The following CACNA1H variants were observed in gnomAD, a reference collection of about 807,000 sequenced individuals.
CACNA1H encodes voltage-dependent T-type calcium channel subunit alpha-1H.
Under a neutral mutation model 192.5 loss-of-function variants are expected in CACNA1H, and 149 were observed. That is an observed-to-expected ratio of 0.77 (90% CI 0.68 to 0.89). The LOEUF (loss-of-function observed/expected upper bound fraction) is 0.89, where lower values mean the gene tolerates loss of function less well. Among genes scored for constraint, CACNA1H ranks in the 40% least tolerant of loss-of-function variants. The probability of loss-of-function intolerance (pLI) is 0.00; values close to 1 mark genes in which losing one functional copy is unlikely to be tolerated. For missense variants in CACNA1H, 4,257 were observed against 3,423.5 expected (o/e 1.24, Z -6.08); for synonymous variants, 2,202 against 1,475.2 (o/e 1.49, Z -11.29).
intron 4 of CACNA1H, 56 bp from the exon 5 acceptor site, chr16:1,195,870 C>T: frequency 7.3e-7 from 1 of 1,374,530 alleles, no homozygotes; most frequent in Non-Finnish European, 1.0e-6. Context: ...ACCCCAGCCC[C>T]ACCCTGGACC....
intron 2 of CACNA1H, among the ~76,000 whole-genome samples, chr16:1,170,503 A>T (rs969326586): frequency 6.6e-6 from 1 of 152,140 alleles, no homozygotes; most frequent in Admixed American, 6.5e-5. Context: ...ACAGTGAAAG[A>T]CGTACCCCGA....
intron 2 of CACNA1H, among the ~76,000 whole-genome samples, chr16:1,164,246 G>C (rs1963521228): frequency 6.6e-6 from 1 of 152,204 alleles, no homozygotes; most frequent in Admixed American, 6.5e-5. Context: ...TGAGACGGGC[G>C]GCAGTGTCGT....
intron 2 of CACNA1H, among the ~76,000 whole-genome samples, chr16:1,183,305 G>C (rs2151765459): frequency 6.6e-6 from 1 of 152,272 alleles, no homozygotes; most frequent in Middle Eastern, 3.4e-3. Flanking sequence ...GGGGTTCTTA[G>C]GACCTCACCC....
intron 30 of CACNA1H, among the ~76,000 whole-genome samples, chr16:1,215,829 C>G (rs1453735509): frequency 6.6e-6 from 1 of 152,118 alleles, no homozygotes; most frequent in Admixed American, 6.5e-5. Flanking sequence ...GGCCCCCTCC[C>G]CGGTGCACTT....
intron 2 of CACNA1H, among the ~76,000 whole-genome samples, chr16:1,169,870 G>A (rs974190907): frequency 2.0e-5 from 3 of 152,280 alleles, no homozygotes; most frequent in Admixed American, 1.3e-4. Flanking sequence ...GGGCGTGTGC[G>A]ACCGCCCAGC....
intron 12 of CACNA1H, chr16:1,206,733 C>T (rs1038922024): frequency 2.5e-5 from 12 of 486,020 alleles, no homozygotes; most frequent in South Asian, 1.4e-4. Flanking sequence ...CCAGTTGCCA[C>T]CCAAATCCAG....
chr16:1,154,820 G>A (rs1036085411), intron 2 of CACNA1H, among the ~76,000 whole-genome samples: 1 of 152,186 alleles, frequency 6.6e-6, no homozygotes, highest in Non-Finnish European at 1.5e-5. Flanking sequence ...GGCATTTGTG[G>A]GATGTACACG....
Position 1,220,147 on chromosome 16 carries a change from A to G in CACNA1H, c.6215A>G (p.His2072Arg). The change falls in exon 35 of 35, where the codon CAT (histidine) becomes CGT (arginine). Residue 2072 changes from histidine to arginine, a missense_variant. His to Arg is a conservative substitution (Grantham distance 29). Coordinates refer to ENST00000348261, the MANE Select transcript of CACNA1H (RefSeq NM_021098.3). ...CCCGCCAGCGTCCGCACTCGTAAGC[A>G]TACCTTCGGACAGCGCTGCGTCTCC... ...PRPASVRTRK[H>R]TFGQRCVSSR... is the part of the protein sequence containing the mutation. 1.3e-6 allele frequency: 2 copies of G among 1,509,990 alleles called. No individual in the cohort carries two copies. Among genetic ancestry groups the G allele is most frequent in the Non-Finnish European group, 1.8e-6 (2 of 1,130,600 alleles). 93.5% of individuals were successfully genotyped at this position (1,509,990 alleles called of 1,614,324 possible).
intron 2 of CACNA1H, among the ~76,000 whole-genome samples, chr16:1,183,404 T>G (rs1026541606): frequency 6.6e-6 from 1 of 152,196 alleles, no homozygotes; most frequent in African/African-American, 2.4e-5. Flanking sequence ...GAATCCCTCC[T>G]GGCCCCTCCC....
chr16:1,153,703 C>G lies in CACNA1H; in HGVS notation c.-18-17C>G. On this transcript the variant is annotated splice_polypyrimidine_tract_variant and intron_variant, in intron 1 of 34. Coordinates refer to ENST00000348261, the MANE Select transcript of CACNA1H (RefSeq NM_021098.3). Reference sequence around the variant, plus strand: ...GGGCGTCGCCACCGGCCCCGGGTCACCCCCTGTCCTCTGCAGGTGCTGCCG... The same window carrying G: ...GGGCGTCGCCACCGGCCCCGGGTCAGCCCCTGTCCTCTGCAGGTGCTGCCG... 2 of 1,193,470 alleles carry G rather than the reference C, an allele frequency of 1.7e-6. No individual in the cohort carries two copies. The highest frequency in any genetic ancestry group is 2.1e-6 in the Non-Finnish European group (2 of 963,620). The allele number at this position is 1,193,470 out of a possible 1,614,324, so 73.9% of individuals were successfully genotyped here.
At chr16:1,165,362 C>T (rs1045593694) in intron 2 of CACNA1H, among the ~76,000 whole-genome samples, 9 of 152,198 alleles carry the variant, frequency 5.9e-5, no homozygotes, top group Admixed American at 6.5e-5. Flanking sequence ...CTGGTCCTCC[C>T]GGGCCACGCT....
rs1043511168 is a variant in CACNA1H, at chr16:1,154,010, C to T, written c.273C>T (p.Ser91=). The stretch of plus-strand genomic sequence containing the variant: ...TCGGTCAGACCACGCGGCCGCGCAG[C>T]TGGTGCCTCCGGCTGGTCTGCAACC... ...FCLGQTTRPR[S]WCLRLVCNPW... is the part of the protein sequence containing the mutation. Residue 91 remains serine (S), a synonymous_variant, in exon 2 of 35, where the codon AGC becomes AGT. Coordinates refer to ENST00000348261, the MANE Select transcript of CACNA1H (RefSeq NM_021098.3). 2.4e-5 allele frequency: 32 copies of T among 1,333,476 alleles called. No individual in the cohort carries two copies. In the Admixed American group the frequency reaches 3.2e-4, roughly 13 times the overall value. 82.6% of individuals were successfully genotyped at this position (1,333,476 alleles called of 1,614,324 possible). A position where few individuals can be genotyped will look rare whatever the true frequency, so the allele number is the denominator to read the frequency against.
At chr16:1,214,372 C>T (rs1266835012) in intron 27 of CACNA1H, among the ~76,000 whole-genome samples, 1 of 152,236 alleles carries the variant, frequency 6.6e-6, no homozygotes, top group Non-Finnish European at 1.5e-5. Context: ...GCTTTTGAGG[C>T]TGAACAGACT....
At position 1,218,191 on chromosome 16, in the gene CACNA1H, C is replaced by T. The variant is rs777537265; in HGVS notation, c.5446-19C>T. On this transcript the variant is annotated intron_variant, in intron 32 of 34. Coordinates refer to ENST00000348261, the MANE Select transcript of CACNA1H (RefSeq NM_021098.3). ...GCGGGTGGGTGTGGACCCCGGCCCA[C>T]AGCTGTCCCCCACCGCAGGACACGC... 18 of 1,544,760 alleles carry T rather than the reference C, an allele frequency of 1.2e-5. No individual in the cohort carries two copies. In the Middle Eastern group the frequency reaches 5.3e-4, roughly 45 times the overall value.
intron 30 of CACNA1H, among the ~76,000 whole-genome samples, chr16:1,215,819 G>A (rs371918190): frequency 3.3e-5 from 5 of 152,272 alleles, no homozygotes; most frequent in East Asian, 3.9e-4. Flanking sequence ...TCATAACCGG[G>A]GCCCCCTCCC....
Position 1,212,506 on chromosome 16 carries a change from T to A in CACNA1H, c.4760-5T>A, listed in dbSNP as rs1474686670. ...GGCCCTCAGACCATCTCCTTGTCTT[T>A]CCAGGCACTTTCCCCAGCCCAGGTA... On this transcript the variant is annotated splice_region_variant and splice_polypyrimidine_tract_variant and intron_variant, in intron 25 of 34. Coordinates refer to ENST00000348261, the MANE Select transcript of CACNA1H (RefSeq NM_021098.3). 38 of 1,610,944 alleles carry A rather than the reference T, an allele frequency of 2.4e-5. No homozygotes were observed. The highest frequency in any genetic ancestry group is 3.1e-5 in the Non-Finnish European group (37 of 1,179,098).
At position 1,215,133 on chromosome 16, in the gene CACNA1H, G is replaced by A. The variant is rs1969902759; in HGVS notation, c.5039+52G>A. 4.4e-6 allele frequency: 7 copies of A among 1,587,172 alleles called. No individual in the cohort carries two copies. The African/African-American group carries it at 6.7e-5, about 15-fold the overall frequency. On this transcript the variant is annotated intron_variant, in intron 28 of 34. Coordinates refer to ENST00000348261, the MANE Select transcript of CACNA1H (RefSeq NM_021098.3). Reference sequence around the variant, plus strand: ...TCTGGGGGCCCCTCAGGGCTCTGGGGGCTGGGGGCAGGTGAGGCCGCAGGC... The same window carrying A: ...TCTGGGGGCCCCTCAGGGCTCTGGGAGCTGGGGGCAGGTGAGGCCGCAGGC...
rs1232227651 is a variant in CACNA1H at position 1,200,226 on chromosome 16, C to G, written c.804-30C>G. 4.5e-6 allele frequency: 7 copies of G among 1,556,694 alleles called. No individual in the cohort carries two copies. In the African/African-American group the frequency reaches 5.5e-5, roughly 12 times the overall value. ...CTGACCGTCCCTGACCCTGATTGTA[C>G]CTTTTGGCCCTGGCTGTGCCCATCC... On this transcript the variant is annotated intron_variant, in intron 6 of 34. Transcript: ENST00000348261.
chr16:1,154,906 C>T (rs1366553486), intron 2 of CACNA1H, among the ~76,000 whole-genome samples: 2 of 152,140 alleles, frequency 1.3e-5, no homozygotes, highest in Non-Finnish European at 2.9e-5. Context: ...TTGCGTGGTG[C>T]CTGTGTCAGG....
Sources: gnomAD v4.1 joint callset for allele counts (sites outside exome capture counted in the v4.1 genomes callset) on GRCh38, gnomAD v4.1.1 for gene constraint, MANE v1.5 for transcripts, NCBI Gene and HGNC (gene_info 2026-07-23, HGNC 2026-07-21) for gene names.